ERC1: variants seen among roughly 807,000 people sequenced by gnomAD.
ERC1 encodes RAB6 interacting protein 2.
A neutral mutation model predicts 132.0 loss-of-function variants in ERC1; 56 were observed. That is an observed-to-expected ratio of 0.42 (90% confidence interval 0.34 to 0.53). The LOEUF is 0.53. Ranked by LOEUF, ERC1 falls within the 20% of genes least tolerant of loss-of-function variation. ERC1 has a pLI of 0.03. For missense variants in ERC1, 1,202 were observed against 1,349.9 expected (o/e 0.89, Z 1.72); for synonymous variants, 478 against 476.1 (o/e 1.00, Z -0.05).
intron 18 of ERC1, among the ~76,000 whole-genome samples, chr12:1,454,811 T>A (rs1286736977): frequency 6.6e-6 from 1 of 152,228 alleles, no homozygotes; most frequent in Non-Finnish European, 1.5e-5. Flanking sequence ...TACTGTTGAG[T>A]GTGATATAAA....
chr12:1,233,028 A>G, intron 12 of ERC1, among the ~76,000 whole-genome samples: 1 of 152,232 alleles, frequency 6.6e-6, no homozygotes, highest in East Asian at 1.9e-4. Context: ...ATGTAATTTT[A>G]AAAAGTTACT....
At chr12:1,201,113 C>G (rs1956875287) in intron 12 of ERC1, among the ~76,000 whole-genome samples, 1 of 152,100 alleles carries the variant, frequency 6.6e-6, no homozygotes, top group Admixed American at 6.5e-5. Context: ...AGTTGAATTA[C>G]TTTTAGATTT....
At chr12:1,286,243 G>C (rs2079032208) in intron 14 of ERC1, among the ~76,000 whole-genome samples, 1 of 142,766 alleles carries the variant, frequency 7.0e-6, no homozygotes. Context: ...GCAGTGAGCT[G>C]AGATCACTCC....
intron 16 of ERC1, among the ~76,000 whole-genome samples, chr12:1,375,288 G>A (rs937436062): frequency 8.5e-5 from 13 of 152,148 alleles, no homozygotes; most frequent in African/African-American, 3.1e-4. Flanking sequence ...GCGATCAAGC[G>A]AGGAACTGCC....
intron 17 of ERC1, among the ~76,000 whole-genome samples, chr12:1,418,665 CTTTT>C (rs759928942): frequency 2.4e-5 from 2 of 84,164 alleles, no homozygotes; most frequent in African/African-American, 6.1e-5. Flanking sequence ...CTCTCTCTTT[CTTTT>C]CTTTCTTTCT....
In ERC1 at chr12:1,115,913, C is replaced by T. The variant is rs1265554774; in HGVS notation, c.1449C>T (p.Leu483=). The change falls in exon 7 of 19, where the codon CTC becomes CTT. Residue 483 remains leucine, a synonymous_variant. Coordinates refer to ENST00000360905, the MANE Select transcript of ERC1 (RefSeq NM_178040.4). ...TGTCCAGAAAGGACACAGAACTACTCGCCCTGCAGACAAAGCTAGAAACAC... is the reference window on the plus strand; with the variant it reads ...TGTCCAGAAAGGACACAGAACTACTTGCCCTGCAGACAAAGCTAGAAACAC... ...QELSRKDTEL[L]ALQTKLETLT... The T allele has an allele frequency of 5.6e-6, 9 of 1,613,998 alleles. No individual in the cohort carries two copies. The highest frequency in any genetic ancestry group is 3.3e-5 in the South Asian group (3 of 91,078).
chr12:1,397,017 A>T (rs2090600759), intron 16 of ERC1, among the ~76,000 whole-genome samples: 1 of 152,190 alleles, frequency 6.6e-6, no homozygotes, highest in African/African-American at 2.4e-5. Context: ...GGTTTAGACT[A>T]AAAATTTATG....
In ERC1 at chr12:1,495,609, C is replaced by T; in HGVS notation, c.*5379C>T. The stretch of plus-strand genomic sequence containing the variant: ...GGCATTGCAGGATATCCAGTGGGGC[C>T]TGTGACTGCTCCCTGATGCGTCAGA... On this transcript the variant is annotated 3_prime_UTR_variant, in exon 19 of 19. Coordinates refer to ENST00000360905, the MANE Select transcript of ERC1 (RefSeq NM_178040.4). 4.4e-6 allele frequency: 1 copy of T among 227,680 alleles called. No individual in the cohort carries two copies. Among genetic ancestry groups the T allele is most frequent in the East Asian group, 6.3e-5 (1 of 15,972 alleles). 14.1% of individuals were successfully genotyped at this position (227,680 alleles called of 1,614,324 possible).
intron 8 of ERC1, among the ~76,000 whole-genome samples, chr12:1,149,560 G>T (rs1294963828): frequency 6.6e-6 from 1 of 151,974 alleles, no homozygotes; most frequent in Non-Finnish European, 1.5e-5. Flanking sequence ...ACCATGCCCA[G>T]CTAATTTTTT....
At chr12:1,293,679 T>C (rs770815524) in intron 15 of ERC1, among the ~76,000 whole-genome samples, 14 of 151,874 alleles carry the variant, frequency 9.2e-5, no homozygotes, top group Non-Finnish European at 1.9e-4. Flanking sequence ...AAAAATCTCA[T>C]TAGGGATTTA....
chr12:1,081,534 G>A (rs1256559970), intron 2 of ERC1, among the ~76,000 whole-genome samples: 1 of 152,134 alleles, frequency 6.6e-6, no homozygotes, highest in Non-Finnish European at 1.5e-5. Context: ...TGCAAGGATT[G>A]CTTTGAATGC....
At chr12:1,257,502 A>T (rs919396772) in intron 13 of ERC1, among the ~76,000 whole-genome samples, 5 of 152,218 alleles carry the variant, frequency 3.3e-5, no homozygotes, top group African/African-American at 9.6e-5. Flanking sequence ...CTAAATCCAC[A>T]GTTTGGTTTT....
intron 15 of ERC1, among the ~76,000 whole-genome samples, chr12:1,295,015 G>T (rs951918659): frequency 6.6e-6 from 1 of 152,140 alleles, no homozygotes; most frequent in African/African-American, 2.4e-5. Flanking sequence ...TGTAGCAAAG[G>T]ATTTGCTTAC....
chr12:998,853 C>CTTTT (rs527367596), intron 1 of ERC1, among the ~76,000 whole-genome samples: 22 of 102,478 alleles, frequency 2.1e-4, no homozygotes, highest in South Asian at 3.0e-4. Flanking sequence ...TTCTCTGTCA[C>CTTTT]TTTTTTTTTT....
At chr12:1,069,245 G>T (rs2107650) in intron 2 of ERC1, among the ~76,000 whole-genome samples, 2 of 151,960 alleles carry the variant, frequency 1.3e-5, no homozygotes, top group East Asian at 1.9e-4. Context: ...TAGATATCAA[G>T]GTTCCTTAGA....
intron 16 of ERC1, among the ~76,000 whole-genome samples, chr12:1,393,552 A>G (rs1344333500): frequency 1.3e-5 from 2 of 148,502 alleles, no homozygotes; most frequent in African/African-American, 2.5e-5. Context: ...ATCAAAAAGA[A>G]CTTTTATTCT....
At chr12:1,006,952 A>G (rs1378196384) in intron 1 of ERC1, among the ~76,000 whole-genome samples, 1 of 149,958 alleles carries the variant, frequency 6.7e-6, no homozygotes, top group Non-Finnish European at 1.5e-5. Flanking sequence ...TGTATATAGT[A>G]TATATAATAT....
chr12:1,400,934 T>G (rs1270912697), intron 16 of ERC1, among the ~76,000 whole-genome samples: 5 of 106,072 alleles, frequency 4.7e-5, no homozygotes, highest in South Asian at 3.9e-4. Flanking sequence ...TTTTTTTTTT[T>G]TTTTTTTTTT....
intron 2 of ERC1, among the ~76,000 whole-genome samples, chr12:1,071,648 CTCTT>C (rs760115341): frequency 5.3e-5 from 8 of 151,546 alleles, no homozygotes; most frequent in East Asian, 1.9e-4. Context: ...TTATAGTGGT[CTCTT>C]TCTTTTTAAA....
Sources: allele counts gnomAD v4.1 joint callset (sites outside exome capture counted in the v4.1 genomes callset), GRCh38; gene constraint gnomAD v4.1.1; transcripts MANE v1.5; gene names NCBI Gene and HGNC (gene_info 2026-07-23, HGNC 2026-07-21).